The following MYO1E variants were observed in gnomAD, a reference collection of about 807,000 sequenced individuals.
MYO1E encodes myosin IE.
A neutral mutation model predicts 151.1 loss-of-function variants in MYO1E; 68 were observed. The ratio of observed to expected loss-of-function variants is 0.45; its 90% CI spans 0.37 to 0.55. The LOEUF (loss-of-function observed/expected upper bound fraction) is 0.55, where lower values mean the gene tolerates loss of function less well. Among genes scored for constraint, MYO1E ranks in the 20% least tolerant of loss-of-function variants. The pLI is 0.00. For missense variants in MYO1E, 1,363 were observed against 1,389.3 expected (o/e 0.98, Z 0.30); for synonymous variants, 601 against 501.7 (o/e 1.20, Z -2.64).
At chr15:59,209,783 A>G (rs1025732372) in intron 13 of MYO1E, among the ~76,000 whole-genome samples, 3 of 93,452 alleles carry the variant, frequency 3.2e-5, no homozygotes, top group Admixed American at 1.1e-4. Flanking sequence ...CTATAGAGAT[A>G]TTTGTTCTGT....
Position 59,173,762 on chromosome 15 carries a change from T to A in MYO1E, c.2318A>T (p.Tyr773Phe), listed in dbSNP as rs566622235. 3 of 1,614,186 alleles carry A rather than the reference T, an allele frequency of 1.9e-6. No individual in the cohort carries two copies. The highest frequency in any genetic ancestry group is 2.5e-6 in the Non-Finnish European group (3 of 1,180,020). Reference sequence around the variant, plus strand: ...AGCACGTACCTTGAACCTCCTGTCATACTTGGTGACTGTGTCTGCGAAATC... The same window carrying A: ...AGCACGTACCTTGAACCTCCTGTCAAACTTGGTGACTGTGTCTGCGAAATC... The part of the protein sequence containing the change: ...KIDFADTVTK[Y>F]DRRFKGVKRD... The change falls in exon 21 of 28, where the codon TAT becomes TTT. Residue 773 changes from tyrosine to phenylalanine, a missense_variant. Coordinates refer to ENST00000288235, the MANE Select transcript of MYO1E (RefSeq NM_004998.4).
At chr15:59,158,190 T>C in intron 25 of MYO1E, 97 bp downstream of exon 25, 8 of 1,040,280 alleles carry the variant, frequency 7.7e-6, no homozygotes, top group African/African-American at 1.6e-5. Context: ...GGTTAATATG[T>C]GTGCATTGAT....
chr15:59,352,059 G>C (rs2080826439), intron 1 of MYO1E, among the ~76,000 whole-genome samples: 5 of 152,174 alleles, frequency 3.3e-5, no homozygotes, highest in Admixed American at 3.3e-4. Flanking sequence ...GTATAGCATG[G>C]ACAGCAGCCG....
chr15:59,314,427 C>T (rs1446693029), intron 1 of MYO1E, among the ~76,000 whole-genome samples: 6 of 152,166 alleles, frequency 3.9e-5, no homozygotes, highest in Non-Finnish European at 8.8e-5. Flanking sequence ...TGAGGGATAC[C>T]TATTGAGTTG....
intron 10 of MYO1E, among the ~76,000 whole-genome samples, chr15:59,215,682 G>A (rs1416887904): frequency 6.6e-6 from 1 of 152,166 alleles, no homozygotes; most frequent in Non-Finnish European, 1.5e-5. Flanking sequence ...GAGCGAATGA[G>A]TAATCATACA....
chr15:59,225,447 G>GC (rs1432611068), intron 7 of MYO1E, among the ~76,000 whole-genome samples: 3 of 151,896 alleles, frequency 2.0e-5, no homozygotes, highest in Admixed American at 2.0e-4. Context: ...TGTCGATGTC[G>GC]CCCTGAGGCT....
intron 1 of MYO1E, among the ~76,000 whole-genome samples, chr15:59,310,428 C>A (rs1470135779): frequency 5.9e-5 from 9 of 152,100 alleles, no homozygotes; most frequent in Admixed American, 4.6e-4. Flanking sequence ...CAAGATAACT[C>A]ACGTCCTTAA....
chr15:59,360,172 T>C (rs780628490), intron 1 of MYO1E, among the ~76,000 whole-genome samples: 2 of 152,158 alleles, frequency 1.3e-5, no homozygotes, highest in Non-Finnish European at 2.9e-5. Flanking sequence ...AAGTGAAAGA[T>C]CAGGAGGTCA....
intron 1 of MYO1E, among the ~76,000 whole-genome samples, chr15:59,347,319 T>G (rs1013671418): frequency 6.6e-6 from 1 of 152,134 alleles, no homozygotes; most frequent in African/African-American, 2.4e-5. Context: ...GGAACAGTTT[T>G]CTCCCAAAAC....
chr15:59,225,894 C>T (rs2079987948), intron 7 of MYO1E, among the ~76,000 whole-genome samples: 1 of 152,182 alleles, frequency 6.6e-6, no homozygotes, highest in Admixed American at 6.5e-5. Flanking sequence ...GATTCACCCA[C>T]CTTGGCATCC....
chr15:59,329,156 C>T (rs1278544475), intron 1 of MYO1E, among the ~76,000 whole-genome samples: 1 of 152,182 alleles, frequency 6.6e-6, no homozygotes, highest in Non-Finnish European at 1.5e-5. Context: ...GTGTGTTGAG[C>T]TCCTCACTAT....
chr15:59,137,232 A>T lies in MYO1E; in HGVS notation c.*148T>A. On this transcript the variant is annotated 3_prime_UTR_variant, in exon 28 of 28. Transcript: ENST00000288235. The stretch of plus-strand genomic sequence containing the variant: ...TCCCTGTCCCCAACCCAGCCTTTTC[A>T]GTGTCCTCCATGGGGAAGGTACCAG... 1.4e-6 allele frequency: 1 copy of T among 740,684 alleles called. No homozygotes were observed. Among genetic ancestry groups the T allele is most frequent in the Non-Finnish European group, 2.4e-6 (1 of 423,906 alleles). 45.9% of individuals were successfully genotyped at this position (740,684 alleles called of 1,614,324 possible). A position where few individuals can be genotyped will look rare whatever the true frequency, so the allele number is the denominator to read the frequency against.
At chr15:59,363,971 T>G (rs1337125852) in intron 1 of MYO1E, among the ~76,000 whole-genome samples, 1 of 151,818 alleles carries the variant, frequency 6.6e-6, no homozygotes, top group Non-Finnish European at 1.5e-5. Flanking sequence ...GAGACGGGGG[T>G]TTTGACATGT....
At chr15:59,355,054 T>C (rs1189249578) in intron 1 of MYO1E, among the ~76,000 whole-genome samples, 1 of 152,202 alleles carries the variant, frequency 6.6e-6, no homozygotes, top group Non-Finnish European at 1.5e-5. Flanking sequence ...GGCGGCTGCC[T>C]TGCTGCCACC....
intron 3 of MYO1E, among the ~76,000 whole-genome samples, chr15:59,260,223 G>C (rs1308079515): frequency 6.6e-6 from 1 of 152,220 alleles, no homozygotes; most frequent in Non-Finnish European, 1.5e-5. Flanking sequence ...CTGTCATTGA[G>C]GACGCCAAGC....
At chr15:59,154,677 G>A (rs1268352582) in intron 25 of MYO1E, among the ~76,000 whole-genome samples, 5 of 152,152 alleles carry the variant, frequency 3.3e-5, no homozygotes, top group African/African-American at 1.2e-4. Context: ...TTCAGTTCTG[G>A]CTCTGCCTCT....
At chr15:59,276,460 A>T (rs56034601) in intron 1 of MYO1E, among the ~76,000 whole-genome samples, 86 of 152,180 alleles carry the variant, frequency 5.7e-4, no homozygotes, top group African/African-American at 2.0e-3. Context: ...TGAACGTAAT[A>T]ATAACAATAA....
intron 5 of MYO1E, among the ~76,000 whole-genome samples, chr15:59,232,463 C>T (rs529463026): frequency 2.6e-5 from 4 of 152,304 alleles, no homozygotes; most frequent in East Asian, 3.9e-4. Context: ...TCGTGTGGAA[C>T]GAGTCCTGGC....
intron 18 of MYO1E, among the ~76,000 whole-genome samples, chr15:59,184,413 T>C (rs1260044844): frequency 6.6e-6 from 1 of 152,098 alleles, no homozygotes; most frequent in African/African-American, 2.4e-5. Flanking sequence ...TTGTATGTAG[T>C]ACAGTGGCAA....
Sources: gnomAD v4.1 joint callset for allele counts (sites outside exome capture counted in the v4.1 genomes callset) on GRCh38, gnomAD v4.1.1 for gene constraint, MANE v1.5 for transcripts, NCBI Gene and HGNC (gene_info 2026-07-23, HGNC 2026-07-21) for gene names.